The following UBE2E3 variants were observed in gnomAD, a reference collection of about 807,000 sequenced individuals.
The protein encoded by UBE2E3 is ubiquitin-conjugating enzyme E2 E3.
UBE2E3 carries 5 observed loss-of-function variants against 23.6 expected under a neutral mutation model. The observed-to-expected ratio is 0.21, with a 90% confidence interval of 0.11 to 0.44. The LOEUF (loss-of-function observed/expected upper bound fraction) is 0.44. Ranked by LOEUF, UBE2E3 falls within the 20% of genes least tolerant of loss-of-function variation. The pLI, the probability that UBE2E3 is intolerant of heterozygous loss-of-function variation, is 0.99. For synonymous variants in UBE2E3, 78 were observed against 87.5 expected (o/e 0.89, Z 0.60); for missense variants, 81 against 249.8 (o/e 0.32, Z 4.55).
intron 3 of UBE2E3, among the ~76,000 whole-genome samples, chr2:181,012,724 T>C (rs1192656935): frequency 6.6e-6 from 1 of 152,202 alleles, no homozygotes; most frequent in Non-Finnish European, 1.5e-5. Context: ...TATACAGATA[T>C]TTAGTTGTAA....
chr2:181,024,070 T>C (rs1368007778), intron 3 of UBE2E3, among the ~76,000 whole-genome samples: 1 of 152,136 alleles, frequency 6.6e-6, no homozygotes, highest in Non-Finnish European at 1.5e-5. Flanking sequence ...TTTCTCCTAT[T>C]GATACTGTCG....
In UBE2E3 at chr2:180,982,170, C is replaced by T. The variant is rs1684317298; in HGVS notation, c.128C>T (p.Thr43Ile). 3 of 1,612,522 alleles carry T rather than the reference C, an allele frequency of 1.9e-6. No homozygotes were observed. In the East Asian group the frequency reaches 6.7e-5, roughly 36 times the overall value. Reference sequence around the variant, plus strand: ...CAAGAGGAAAGAAAACCTTCTGCCACCCAGCAGAAGAAAAACACCAAACTC... The same window carrying T: ...CAAGAGGAAAGAAAACCTTCTGCCATCCAGCAGAAGAAAAACACCAAACTC... ...EEQEERKPSA[T>I]QQKKNTKLSS... The change falls in exon 2 of 6, where the codon ACC becomes ATC. Residue 43 changes from threonine (T) to isoleucine (I), a missense_variant. Transcript: ENST00000410062.
intron 3 of UBE2E3, among the ~76,000 whole-genome samples, chr2:181,018,460 G>T (rs949697080): frequency 1.3e-5 from 2 of 151,940 alleles, no homozygotes; most frequent in Non-Finnish European, 2.9e-5. Flanking sequence ...GTTTATCTGG[G>T]TGCAGATACC....
At chr2:181,001,213 A>G (rs1279140883) in intron 3 of UBE2E3, among the ~76,000 whole-genome samples, 1 of 152,216 alleles carries the variant, frequency 6.6e-6, no homozygotes, top group East Asian at 1.9e-4. Flanking sequence ...CTAGTGTTTT[A>G]GAAACATGAG....
intron 3 of UBE2E3, among the ~76,000 whole-genome samples, chr2:181,015,909 A>C (rs1006909408): frequency 6.6e-6 from 1 of 151,874 alleles, no homozygotes; most frequent in Non-Finnish European, 1.5e-5. Flanking sequence ...GAAACTGGGT[A>C]CTCTTCTCAC....
At chr2:181,025,214 T>C (rs1685847011) in intron 3 of UBE2E3, among the ~76,000 whole-genome samples, 1 of 151,976 alleles carries the variant, frequency 6.6e-6, no homozygotes, top group Non-Finnish European at 1.5e-5. Context: ...CTTTGCACAA[T>C]TATACTTGAA....
chr2:181,048,884 A>G (rs1046060912), intron 3 of UBE2E3, among the ~76,000 whole-genome samples: 2 of 151,982 alleles, frequency 1.3e-5, no homozygotes, highest in Admixed American at 6.6e-5. Flanking sequence ...CATTTGATGT[A>G]CTTCATATAA....
At chr2:181,038,391 A>G (rs886619746) in intron 3 of UBE2E3, among the ~76,000 whole-genome samples, 1 of 152,234 alleles carries the variant, frequency 6.6e-6, no homozygotes, top group African/African-American at 2.4e-5. Flanking sequence ...TTGAAAAATG[A>G]CAAAATCCCC....
chr2:181,011,116 A>T (rs1685314159), intron 3 of UBE2E3, among the ~76,000 whole-genome samples: 1 of 151,988 alleles, frequency 6.6e-6, no homozygotes, highest in Non-Finnish European at 1.5e-5. Flanking sequence ...GAGCCAGAAC[A>T]ACAATTCAGA....
intron 3 of UBE2E3, among the ~76,000 whole-genome samples, chr2:181,035,362 A>G (rs1042826614): frequency 6.6e-6 from 1 of 152,124 alleles, no homozygotes; most frequent in Non-Finnish European, 1.5e-5. Flanking sequence ...AGCTTTTGTC[A>G]TTGTCATGGA....
chr2:180,990,794 A>T (rs1684632074), intron 3 of UBE2E3, among the ~76,000 whole-genome samples: 2 of 152,302 alleles, frequency 1.3e-5, no homozygotes, highest in South Asian at 4.1e-4. Context: ...TTTGACATTG[A>T]ATTACACACA....
chr2:181,034,675 A>G (rs1390198870), intron 3 of UBE2E3, among the ~76,000 whole-genome samples: 2 of 143,582 alleles, frequency 1.4e-5, no homozygotes, highest in Non-Finnish European at 3.2e-5. Context: ...TTAAAGTATA[A>G]TAAAAAAAAT....
At chr2:181,011,683 T>C (rs1559120633) in intron 3 of UBE2E3, among the ~76,000 whole-genome samples, 2 of 152,216 alleles carry the variant, frequency 1.3e-5, no homozygotes, top group Non-Finnish European at 2.9e-5. Context: ...TCCAGCTTAA[T>C]GCCAGCCTTG....
chr2:180,992,143 T>C (rs1401942440), intron 3 of UBE2E3, among the ~76,000 whole-genome samples: 1 of 152,218 alleles, frequency 6.6e-6, no homozygotes, highest in African/African-American at 2.4e-5. Context: ...GTTTTTTGTC[T>C]TGTAACTTGT....
chr2:181,039,121 AC>A (rs1228065761), intron 3 of UBE2E3, among the ~76,000 whole-genome samples: 1 of 112,726 alleles, frequency 8.9e-6, no homozygotes, highest in South Asian at 2.9e-4. Flanking sequence ...TCAGAATGTG[AC>A]CTTTTTTTTT....
intron 3 of UBE2E3, chr2:180,987,204 A>C (rs889272110): frequency 1.0e-6 from 1 of 981,864 alleles, no homozygotes; most frequent in East Asian, 2.6e-5. Flanking sequence ...ATAAAGTATA[A>C]ATAATTTATA....
rs141736726 is a variant in UBE2E3 at position 181,061,617 on chromosome 2, AC to A, written c.526+806del. 4.3e-3 allele frequency among the ~76,000 whole-genome samples: 656 copies of A among 151,782 alleles called. 5 individuals carry two copies. Among genetic ancestry groups the A allele is most frequent in the African/African-American group, 0.014 (584 of 41,470 alleles). ...TAAAATGATAGCCAATGAGAATTGA[AC>A]TAGATTATGATTATATAACCTCAGA... On this transcript the variant is annotated intron_variant, in intron 5 of 5. Coordinates refer to ENST00000410062, the MANE Select transcript of UBE2E3 (RefSeq NM_006357.4).
rs1022800974 is a variant in UBE2E3 at position 181,035,654 on chromosome 2, G to A, written c.246-22039G>A. On this transcript the variant is annotated intron_variant, in intron 3 of 5. Coordinates refer to ENST00000410062, the MANE Select transcript of UBE2E3 (RefSeq NM_006357.4). ...CGTTTTTCTAGCCCAACACAAATTC[G>A]AAAACTTCCTTGAAACATTATTAGA... Among the ~76,000 whole-genome samples the A allele has an allele frequency of 3.9e-5, 6 of 152,058 alleles. No homozygotes were observed. In the South Asian group the frequency reaches 6.2e-4, roughly 16 times the overall value.
chr2:181,037,365 G>A (rs980949551), intron 3 of UBE2E3, among the ~76,000 whole-genome samples: 1 of 152,084 alleles, frequency 6.6e-6, no homozygotes, highest in African/African-American at 2.4e-5. Flanking sequence ...AGAAGGCATT[G>A]TTATAGGAGA....
Sources: gnomAD v4.1 joint callset for allele counts (sites outside exome capture counted in the v4.1 genomes callset) on GRCh38, gnomAD v4.1.1 for gene constraint, MANE v1.5 for transcripts, NCBI Gene and HGNC (gene_info 2026-07-23, HGNC 2026-07-21) for gene names.